DHX34: variants seen among roughly 807,000 people sequenced by gnomAD.
DHX34 encodes the protein probable ATP-dependent RNA helicase DHX34.
A neutral mutation model predicts 111.1 loss-of-function variants in DHX34; 96 were observed. The observed-to-expected ratio is 0.86, with a 90% confidence interval of 0.73 to 1.02. The LOEUF is 1.02. Ranked by LOEUF, DHX34 falls within the 50% of genes least tolerant of loss-of-function variation. The pLI is 0.00. For missense variants in DHX34, 1,560 were observed against 1,579.9 expected (o/e 0.99, Z 0.21); for synonymous variants, 688 against 670.4 (o/e 1.03, Z -0.41).
intron 16 of DHX34, chr19:47,381,692 G>GAGAT: frequency 1.4e-6 from 1 of 693,368 alleles, no homozygotes; most frequent in African/African-American, 1.8e-5. Flanking sequence ...TTCAGTGGGG[G>GAGAT]AGATAGCACT....
intron 3 of DHX34, among the ~76,000 whole-genome samples, chr19:47,357,057 A>G (rs953053877): frequency 1.3e-5 from 2 of 152,004 alleles, no homozygotes; most frequent in African/African-American, 4.8e-5. Flanking sequence ...CGCATACCTG[A>G]GCTCAAGCAA....
chr19:47,359,987 C>A lies in DHX34; in HGVS notation c.1292C>A (p.Pro431His), dbSNP rs1221297016. Residue 431 changes from proline to histidine, a missense_variant, in exon 5 of 17, where the codon CCT (proline) becomes CAT (histidine). Physicochemically the swap from Pro to His is moderately conservative, Grantham distance 77 (BLOSUM62 -2). Transcript: ENST00000328771. ...DQDKVFDVAP[P>H]GVRKCILSTN... ...TCCCAGGTATTTGATGTGGCACCCC[C>A]TGGAGTCCGGAAATGCATCCTCTCC... 6.2e-7 allele frequency: 1 copy of A among 1,613,986 alleles called. No individual in the cohort carries two copies. Among genetic ancestry groups the A allele is most frequent in the African/African-American group, 1.3e-5 (1 of 74,922 alleles).
At position 47,380,308 on chromosome 19, in the gene DHX34, T is replaced by C. The variant is rs376433108; in HGVS notation, c.2982+323T>C. On this transcript the variant is annotated intron_variant, in intron 14 of 16. Transcript: ENST00000328771. ...TGAGAGGGAAGCCGTAGACGTCTGC[T>C]TGTGGATGGGAAGAACTGAACTGAG... Among the ~76,000 whole-genome samples the C allele has an allele frequency of 2.0e-5, 3 of 152,180 alleles. No individual in the cohort carries two copies. The East Asian group carries it at 5.8e-4, about 29-fold the overall frequency.
At chr19:47,377,379 T>G (rs1970202601) in intron 13 of DHX34, among the ~76,000 whole-genome samples, 173 bp downstream of exon 13, 1 of 152,140 alleles carries the variant, frequency 6.6e-6, no homozygotes, top group African/African-American at 2.4e-5. Context: ...ATGGACTTGC[T>G]CAACAGTTAA....
chr19:47,373,550 C>T, intron 8 of DHX34, 49 bp from the exon 9 acceptor site: 1 of 1,589,526 alleles, frequency 6.3e-7, no homozygotes, highest in East Asian at 2.3e-5. Context: ...GCCCCTCCCT[C>T]CCCGCACTGG....
intron 1 of DHX34, among the ~76,000 whole-genome samples, chr19:47,351,303 C>T (rs983238532): frequency 2.6e-5 from 4 of 151,052 alleles, no homozygotes; most frequent in African/African-American, 9.7e-5. Flanking sequence ...CTCAGCCTCC[C>T]GAGTCGCTGG....
chr19:47,360,581 CAGAG>C (rs1412100957), intron 5 of DHX34, among the ~76,000 whole-genome samples: 1 of 152,146 alleles, frequency 6.6e-6, no homozygotes, highest in Non-Finnish European at 1.5e-5. Context: ...GTCCACCCGT[CAGAG>C]AGGCCCATAC....
At chr19:47,373,735 C>G in intron 9 of DHX34, 35 bp downstream of exon 9, 3 of 1,600,786 alleles carry the variant, frequency 1.9e-6, no homozygotes, top group Non-Finnish European at 2.6e-6. Context: ...GCCGGCCCCA[C>G]TCAGGCAGAC....
chr19:47,372,161 TC>T (rs1461346971), intron 7 of DHX34, among the ~76,000 whole-genome samples: 1 of 151,598 alleles, frequency 6.6e-6, no homozygotes, highest in Non-Finnish European at 1.5e-5. Context: ...CCCTGCCCCA[TC>T]TTTCTCCATG....
intron 7 of DHX34, among the ~76,000 whole-genome samples, chr19:47,367,955 T>G (rs1396424543): frequency 6.6e-6 from 1 of 151,190 alleles, no homozygotes; most frequent in Non-Finnish European, 1.5e-5. Flanking sequence ...ATAAAATAGC[T>G]GATTCAACCT....
intron 4 of DHX34, among the ~76,000 whole-genome samples, chr19:47,359,637 C>T (rs1207144387): frequency 6.6e-6 from 1 of 152,016 alleles, no homozygotes; most frequent in Non-Finnish European, 1.5e-5. Context: ...CAAAAATTAG[C>T]CGGGCATGGT....
chr19:47,362,705 G>A lies in DHX34; in HGVS notation c.1593+12G>A. 1 of 1,603,736 alleles carries A rather than the reference G, an allele frequency of 6.2e-7. No homozygotes were observed. The highest frequency in any genetic ancestry group is 8.5e-7 in the Non-Finnish European group (1 of 1,176,164). ...CGTTGGTGCTGCAGGTGAGGCATGG[G>A]CAGAAAGGGGACTATATCCTAACTG... is the stretch of plus-strand genomic sequence containing the variant. On this transcript the variant is annotated intron_variant, in intron 6 of 16. Coordinates refer to ENST00000328771, the MANE Select transcript of DHX34 (RefSeq NM_014681.6).
intron 7 of DHX34, among the ~76,000 whole-genome samples, chr19:47,370,686 A>AT (rs1431465045): frequency 6.6e-6 from 1 of 151,888 alleles, no homozygotes; most frequent in Non-Finnish European, 1.5e-5. Context: ...TTATTTATTT[A>AT]TTTATTTAGA....
intron 1 of DHX34, among the ~76,000 whole-genome samples, chr19:47,350,172 G>C (rs1199563022): frequency 6.6e-6 from 1 of 152,156 alleles, no homozygotes; most frequent in Non-Finnish European, 1.5e-5. Context: ...TAAAGTATTA[G>C]ATGGGGAAAT....
intron 1 of DHX34, among the ~76,000 whole-genome samples, chr19:47,350,640 G>A (rs1456793524): frequency 2.0e-5 from 3 of 151,860 alleles, no homozygotes; most frequent in African/African-American, 7.3e-5. Context: ...GGCTGGTCTC[G>A]CACTCCCGAC....
chr19:47,370,732 A>G lies in DHX34; in HGVS notation c.1769-1998A>G, dbSNP rs184854500. Among the ~76,000 whole-genome samples, 388 of 152,318 alleles carry G rather than the reference A, an allele frequency of 2.5e-3. 2 individuals carry two copies. The highest frequency in any genetic ancestry group is 9.0e-3 in the African/African-American group (374 of 41,572). On this transcript the variant is annotated intron_variant, in intron 7 of 16. Coordinates refer to ENST00000328771, the MANE Select transcript of DHX34 (RefSeq NM_014681.6). ...CACTCTGTCCTCCAGGCTGGAGTGC[A>G]GTGGCATGATCTTGGCTCACTGCAA...
chr19:47,353,750 C>G lies in DHX34; in HGVS notation c.705+15C>G. The G allele has an allele frequency of 6.5e-7, 1 of 1,535,948 alleles. No homozygotes were observed. Among genetic ancestry groups the G allele is most frequent in the Non-Finnish European group, 8.8e-7 (1 of 1,139,306 alleles). On this transcript the variant is annotated intron_variant, in intron 2 of 16. Transcript: ENST00000328771. This position sits in a 1 kb window ranked among gnomAD's most constrained non-coding sequence, Gnocchi z 4.6. ...ATGGCTCACAGGTGAGTGGGACGCA[C>G]CAGGTTTCCGATTTTTCCAGCGTGA...
In DHX34 at chr19:47,376,559, A is replaced by G. The variant is rs954916229; in HGVS notation, c.2598A>G (p.Arg866=). 2 of 1,555,944 alleles carry G rather than the reference A, an allele frequency of 1.3e-6. No individual in the cohort carries two copies. Among genetic ancestry groups the G allele is most frequent in the African/African-American group, 1.4e-5 (1 of 73,288 alleles). ...ELEASNCDGS[R]DDKDKMSSKH... is the part of the protein sequence containing the mutation. ...AGGCCAGCAACTGCGACGGAAGCCG[A>G]GGTACAGTGAGCCCAGGCGGAAGGA... is the stretch of plus-strand genomic sequence containing the variant. Residue 866 remains arginine (R), a splice_region_variant and synonymous_variant, in exon 12 of 17, where the codon CGA becomes CGG. Transcript: ENST00000328771.
rs182672623 is a variant in DHX34, at chr19:47,376,887, G to A, written c.2600-213G>A. 1.1e-4 allele frequency: 168 copies of A among 1,533,972 alleles called. No homozygotes were observed. In the African/African-American group the frequency reaches 1.9e-3, roughly 18 times the overall value. ...GCAGAGGGAGGCCCCCCTGGCACCC[G>A]TGTGCATGGAAGGGTGTCTCGCTGC... On this transcript the variant is annotated intron_variant, in intron 12 of 16. Coordinates refer to ENST00000328771, the MANE Select transcript of DHX34 (RefSeq NM_014681.6).
Sources: allele counts gnomAD v4.1 joint callset (sites outside exome capture counted in the v4.1 genomes callset), GRCh38; gene constraint gnomAD v4.1.1; non-coding constraint Gnocchi (gnomAD v3.1); transcripts MANE v1.5; gene names NCBI Gene and HGNC (gene_info 2026-07-23, HGNC 2026-07-21).